Variants in F12 observed in about 807,000 individuals in gnomAD.
F12 encodes coagulation factor XII.
F12 carries 70 observed loss-of-function variants against 74.8 expected under a neutral mutation model. The ratio of observed to expected loss-of-function variants is 0.94; its 90% CI spans 0.77 to 1.14. The LOEUF is 1.14. F12 is among the 50% of genes most tolerant of loss of function. The pLI, the probability that F12 is intolerant of heterozygous loss-of-function variation, is 0.00. For synonymous variants in F12, 373 were observed against 356.4 expected, an observed-to-expected ratio of 1.05 and a Z score of -0.52; for missense variants, 811 against 835.7, an observed-to-expected ratio of 0.97 and a Z score of 0.36.
chr5:177,404,395 G>T lies in F12; in HGVS notation c.819C>A (p.Ile273=), dbSNP rs1763230792. The T allele has an allele frequency of 1.2e-6, 2 of 1,611,926 alleles. No individual in the cohort carries two copies. The highest frequency in any genetic ancestry group is 2.7e-5 in the African/African-American group (2 of 74,904). Residue 273 remains isoleucine, a synonymous_variant, in exon 9 of 14, where the codon ATC becomes ATA. Transcript: ENST00000253496. Reference sequence around the variant, plus strand: ...GGTTCAGCACGAAGCACCACGGGCGGATGTCGTTGTCCGGGTTCCTGTAGC... The same window carrying T: ...GGTTCAGCACGAAGCACCACGGGCGTATGTCGTTGTCCGGGTTCCTGTAGC... ...HAFCRNPDND[I]RPWCFVLNRD... is the part of the protein sequence containing the mutation.
Position 177,402,319 on chromosome 5 carries a change from G to A in F12, c.1821C>T (p.Ala607=). ...AGGAAACGGTGTGCTCCCGGATCCA[G>A]GCCAGGTAGTAGGCCACATCGGTGT... ...GVYTDVAYYL[A]WIREHTVS is the part of the protein sequence containing the mutation. The change falls in exon 14 of 14, where the codon GCC becomes GCT. Residue 607 remains alanine, a synonymous_variant. Transcript: ENST00000253496. 1.9e-6 allele frequency: 3 copies of A among 1,613,852 alleles called. No homozygotes were observed. The highest frequency in any genetic ancestry group is 2.5e-6 in the Non-Finnish European group (3 of 1,180,014).
chr5:177,404,087 A>C lies in F12; in HGVS notation c.1022T>G (p.Leu341Trp). ...TPPQSQTPGA[L>W]PAKREQPPSL... ...AGGCGGCTGCTCCCGCTTCGCCGGC[A>C]AGGCTGTGGAGGAGCAGGGGCTGAG... Residue 341 changes from leucine to tryptophan, a missense_variant, in exon 10 of 14, where the codon TTG becomes TGG. Coordinates refer to ENST00000253496, the MANE Select transcript of F12 (RefSeq NM_000505.4). 2 of 1,602,540 alleles carry C rather than the reference A, an allele frequency of 1.2e-6. No homozygotes were observed. The highest frequency in any genetic ancestry group is 1.7e-6 in the Non-Finnish European group (2 of 1,178,522).
intron 2 of F12, among the ~76,000 whole-genome samples, chr5:177,407,222 A>C (rs2127361752): frequency 6.6e-6 from 1 of 152,352 alleles, no homozygotes; most frequent in South Asian, 2.1e-4. Flanking sequence ...CCAGAGGCTC[A>C]CAGGAACCTA....
At chr5:177,409,439 C>T in intron 1 of F12, 32 bp downstream of exon 1, 2 of 1,611,118 alleles carry the variant, frequency 1.2e-6, no homozygotes, top group Non-Finnish European at 1.7e-6. Flanking sequence ...CCAGAACAAT[C>T]CTGGGACAAT....
Position 177,403,238 on chromosome 5 carries a change from T to A in F12, c.1531+16A>T. On this transcript the variant is annotated intron_variant, in intron 12 of 13. Transcript: ENST00000253496. ...AGGTCTCCTCCCCTACCCCTGCCCC[T>A]AGCAGTTGTGCCTACCCTCGAACTG... 6.3e-7 allele frequency: 1 copy of A among 1,599,954 alleles called. No homozygotes were observed. The highest frequency in any genetic ancestry group is 1.1e-5 in the South Asian group (1 of 91,066).
rs878910749 is a variant in F12, at chr5:177,405,889, G to A, written c.215+73C>T. On this transcript the variant is annotated intron_variant, in intron 3 of 13. Transcript: ENST00000253496. Reference sequence around the variant, plus strand: ...TCACAGTCCCCTCTCTCCAAGCAGAGTTCCTTGGACAGAAGGACAGGCAGG... The same window carrying A: ...TCACAGTCCCCTCTCTCCAAGCAGAATTCCTTGGACAGAAGGACAGGCAGG... 5.0e-6 allele frequency: 8 copies of A among 1,594,188 alleles called. No homozygotes were observed. The South Asian group carries it at 7.7e-5, about 15-fold the overall frequency.
At position 177,402,375 on chromosome 5, in the gene F12, C is replaced by G. The variant is rs766505234; in HGVS notation, c.1765G>C (p.Gly589Arg). The G allele has an allele frequency of 3.7e-6, 6 of 1,613,684 alleles. No homozygotes were observed. In the South Asian group the frequency reaches 4.4e-5, roughly 12 times the overall value. ...CCTGGCTTGTTGCGGTCACCACAGC[C>G]CGATCCCCAGCTGATGATGCCTTGC... Reference protein sequence around the residue: ...TLQGIISWGSGCGDRNKPGVY... With the variant: ...TLQGIISWGSRCGDRNKPGVY... Residue 589 changes from glycine (G) to arginine (R), a missense_variant, in exon 14 of 14, where the codon GGC becomes CGC. Transcript: ENST00000253496.
In F12 at chr5:177,404,131, G is replaced by C. The variant is rs775924302; in HGVS notation, c.1019-41C>G. 3.7e-5 allele frequency: 59 copies of C among 1,587,500 alleles called. No individual in the cohort carries two copies. The Admixed American group carries it at 1.0e-3, about 27-fold the overall frequency. ...GGCTGAGGACGGAGAGCCCGCGGCC[G>C]GCTGGCCGGAATCTAGCTCGCCCGG... On this transcript the variant is annotated intron_variant, in intron 9 of 13. Coordinates refer to ENST00000253496, the MANE Select transcript of F12 (RefSeq NM_000505.4).
At chr5:177,405,683 A>C in intron 4 of F12, 52 bp downstream of exon 4, 1 of 1,550,840 alleles carries the variant, frequency 6.4e-7, no homozygotes, top group Non-Finnish European at 8.9e-7. Flanking sequence ...CCAGGAGAGT[A>C]ATGAGGCGGG....
rs570973405 is a variant in F12 at position 177,404,185 on chromosome 5, C to T, written c.1018+11G>A. 16 of 1,583,562 alleles carry T rather than the reference C, an allele frequency of 1.0e-5. No individual in the cohort carries two copies. The highest frequency in any genetic ancestry group is 2.3e-5 in the East Asian group (1 of 43,924). ...CCTCTCGGCTCCTCCTTCCCCCCCC[C>T]ACTTCCTAACCTCCCGGGGTCTGGG... On this transcript the variant is annotated intron_variant, in intron 9 of 13. Transcript: ENST00000253496.
chr5:177,402,703 G>T lies in F12; in HGVS notation c.1532-5C>A. 1 of 1,611,250 alleles carries T rather than the reference G, an allele frequency of 6.2e-7. No homozygotes were observed. Among genetic ancestry groups the T allele is most frequent in the South Asian group, 1.1e-5 (1 of 90,940 alleles). Reference sequence around the variant, plus strand: ...AGCTGGCATATTCCTCCGCCCCTGCGAACACAGAGCGCCTTCTTCACACCC... The same window carrying T: ...AGCTGGCATATTCCTCCGCCCCTGCTAACACAGAGCGCCTTCTTCACACCC... On this transcript the variant is annotated splice_polypyrimidine_tract_variant and splice_region_variant and intron_variant, in intron 12 of 13. Coordinates refer to ENST00000253496, the MANE Select transcript of F12 (RefSeq NM_000505.4).
rs1763266982 is a variant in F12, at chr5:177,405,421, T to C, written c.299A>G (p.Lys100Arg). Residue 100 changes from lysine (K) to arginine (R), a missense_variant, in exon 5 of 14, where the codon AAA becomes AGA. Coordinates refer to ENST00000253496, the MANE Select transcript of F12 (RefSeq NM_000505.4). ...EPKKVKDHCS[K>R]HSPCQKGGTC... ...CCCTCCTTTCTGGCAGGGGCTGTGT[T>C]TGCTGCAGTGGTCTGAGAGATGGAC... The C allele has an allele frequency of 3.7e-6, 6 of 1,613,528 alleles. No homozygotes were observed. In the East Asian group the frequency reaches 1.3e-4, roughly 36 times the overall value.
At chr5:177,408,413 G>A (rs186224694) in intron 2 of F12, among the ~76,000 whole-genome samples, 2 of 152,328 alleles carry the variant, frequency 1.3e-5, no homozygotes, top group Admixed American at 6.5e-5. Context: ...AGAGCTTGAG[G>A]AAGGGGGAAA....
At chr5:177,404,961 C>T (rs536788457) in intron 6 of F12, 47 bp from the exon 7 acceptor site, 1 of 1,585,628 alleles carries the variant, frequency 6.3e-7, no homozygotes, top group South Asian at 1.1e-5. Flanking sequence ...AAAGACCCCC[C>T]CAGAGAGCTC....
intron 2 of F12, 102 bp from the exon 3 acceptor site, chr5:177,406,163 C>T (rs922760930): frequency 4.2e-5 from 46 of 1,100,038 alleles, no homozygotes; most frequent in African/African-American, 3.4e-4. Flanking sequence ...TCAAAAAGGT[C>T]GCTGTGCATT....
chr5:177,404,366 T>C lies in F12; in HGVS notation c.848A>G (p.Asp283Gly), dbSNP rs1339631671. ...GTCGCAGTACTCCCAGCTCAGCCGG[T>C]CGCGGTTCAGCACGAAGCACCACGG... is the stretch of plus-strand genomic sequence containing the variant. ...IRPWCFVLNRDRLSWEYCDLA... is the reference protein window; with the variant it reads ...IRPWCFVLNRGRLSWEYCDLA... Residue 283 changes from aspartate (D) to glycine (G), a missense_variant, in exon 9 of 14, where the codon GAC becomes GGC. Coordinates refer to ENST00000253496, the MANE Select transcript of F12 (RefSeq NM_000505.4). 2 of 1,611,730 alleles carry C rather than the reference T, an allele frequency of 1.2e-6. No homozygotes were observed. The highest frequency in any genetic ancestry group is 1.7e-6 in the Non-Finnish European group (2 of 1,179,578).
At chr5:177,406,298 C>G (rs900152383) in intron 2 of F12, among the ~76,000 whole-genome samples, 5 of 152,150 alleles carry the variant, frequency 3.3e-5, no homozygotes, top group African/African-American at 1.2e-4. Context: ...ACCATCCTGG[C>G]TAATACAGTG....
chr5:177,409,471 C>T lies in F12; in HGVS notation c.57G>A (p.Ser19=), dbSNP rs1381011986. 27 of 1,614,000 alleles carry T rather than the reference C, an allele frequency of 1.7e-5. No individual in the cohort carries two copies. The highest frequency in any genetic ancestry group is 2.1e-5 in the Non-Finnish European group (25 of 1,179,994). The change falls in exon 1 of 14, where the codon TCG becomes TCA. Residue 19 remains serine (S), a splice_region_variant and synonymous_variant. Transcript: ENST00000253496. ...FLLVSLESTL[S]IPPWEAPKEH... is the part of the protein sequence containing the mutation. ...CAATCCTGGTTCCCACAGCACTCAC[C>T]GAAAGTGTTGACTCCAAGCTCACCA... is the stretch of plus-strand genomic sequence containing the variant.
rs762979672 is a variant in F12, at chr5:177,403,844, C to T, written c.1250+15G>A. The T allele has an allele frequency of 1.3e-5, 20 of 1,509,652 alleles. No homozygotes were observed. The highest frequency in any genetic ancestry group is 1.8e-5 in the Non-Finnish European group (20 of 1,128,848). 93.5% of individuals were successfully genotyped at this position (1,509,652 alleles called of 1,614,324 possible). On this transcript the variant is annotated intron_variant, in intron 10 of 13. Coordinates refer to ENST00000253496, the MANE Select transcript of F12 (RefSeq NM_000505.4). The stretch of plus-strand genomic sequence containing the variant: ...CCGCGGCCCCTGGGGCGGCTCTGGG[C>T]GGGCGGGTACTCGCCGGTCCTGCAG...
Sources: allele counts gnomAD v4.1 joint callset (sites outside exome capture counted in the v4.1 genomes callset), GRCh38; gene constraint gnomAD v4.1.1; transcripts MANE v1.5; gene names NCBI Gene and HGNC (gene_info 2026-07-23, HGNC 2026-07-21).